The following NPEPL1 variants were observed in gnomAD, a reference collection of about 807,000 sequenced individuals.
The protein encoded by NPEPL1 is probable aminopeptidase NPEPL1.
In NPEPL1, 45 loss-of-function variants were observed where a neutral mutation model predicts 52.4. The ratio of observed to expected loss-of-function variants is 0.86; its 90% CI spans 0.68 to 1.10. NPEPL1 has a LOEUF of 1.10. Ranked by LOEUF, NPEPL1 falls within the 50% of genes least tolerant of loss-of-function variation. The pLI is 0.00. For missense variants in NPEPL1, 696 were observed against 710.9 expected, an observed-to-expected ratio of 0.98 and a Z score of 0.24; for synonymous variants, 360 against 314.7, an observed-to-expected ratio of 1.14 and a Z score of -1.52.
At chr20:58,691,347 TTTCAGTCA>T, upstream of NPEPL1, 1 of 498,014 alleles carries the variant, frequency 2.0e-6, no homozygotes, top group Non-Finnish European at 3.6e-6. Context: ...AAGGAATGCC[TTTCAGTCA>T]TTCAACAGCT....
At chr20:58,692,020 G>A, upstream of NPEPL1, 2 of 601,500 alleles carry the variant, frequency 3.3e-6, no homozygotes, top group Middle Eastern at 4.4e-4. This position sits in a 1 kb window ranked among gnomAD's most constrained non-coding sequence, Gnocchi z 5.7. Context: ...CCTGTAAGGC[G>A]ACTGAGGTGA....
At chr20:58,709,606 C>G (rs773214482) in intron 7 of NPEPL1, among the ~76,000 whole-genome samples, 22 of 152,194 alleles carry the variant, frequency 1.4e-4, no homozygotes, top group Non-Finnish European at 2.6e-4. Flanking sequence ...AGTGGTGACA[C>G]TCACAACCCA....
At chr20:58,711,601 A>G (rs1410724628) in intron 7 of NPEPL1, 3 of 152,486 alleles carry the variant, frequency 2.0e-5, no homozygotes, top group African/African-American at 7.2e-5. Flanking sequence ...AGGCTCAAGG[A>G]CTGAGCGGGG....
chr20:58,695,973 CT>C (rs1159617786), intron 3 of NPEPL1, among the ~76,000 whole-genome samples: 1 of 152,192 alleles, frequency 6.6e-6, no homozygotes, highest in African/African-American at 2.4e-5. Context: ...TCGGCATCCC[CT>C]TCATGGCCTC....
chr20:58,693,705 C>T, intron 1 of NPEPL1, 32 bp from the exon 2 acceptor site: 1 of 1,571,592 alleles, frequency 6.4e-7, no homozygotes, highest in South Asian at 1.1e-5. Flanking sequence ...CTGTTTGAAG[C>T]CTCTGTGTCT....
intron 11 of NPEPL1, 69 bp downstream of exon 11, chr20:58,714,739 T>C (rs2084920916): frequency 2.4e-6 from 3 of 1,242,044 alleles, no homozygotes; most frequent in Middle Eastern, 1.9e-4. Context: ...CCCCTCTGGC[T>C]CTGGAGCTGC....
At chr20:58,690,197 T>C (rs2084323642), upstream of NPEPL1, among the ~76,000 whole-genome samples, 3 of 152,240 alleles carry the variant, frequency 2.0e-5, no homozygotes, top group Admixed American at 1.3e-4. Context: ...TTCTGATTTG[T>C]CCCAGAAGTT....
At chr20:58,700,940 A>T in intron 5 of NPEPL1, 76 bp from the exon 6 acceptor site, 1 of 1,333,964 alleles carries the variant, frequency 7.5e-7, no homozygotes, top group Non-Finnish European at 9.7e-7. Context: ...AGCCGGCCAG[A>T]GTTTCCAGGG....
At chr20:58,701,180 A>G (rs1289435415) in intron 6 of NPEPL1, 22 bp downstream of exon 6, 6 of 1,288,894 alleles carry the variant, frequency 4.7e-6, no homozygotes, top group Non-Finnish European at 2.0e-6. Flanking sequence ...GCTGGCTCTC[A>G]GGGTGCCCTG....
intron 7 of NPEPL1, among the ~76,000 whole-genome samples, chr20:58,708,477 G>A (rs1218799266): frequency 4.6e-5 from 7 of 151,846 alleles, no homozygotes; most frequent in East Asian, 1.9e-4. Flanking sequence ...TGTTTCTCTC[G>A]TGCTGAGCAC....
rs760325613 is a variant in NPEPL1 at position 58,703,962 on chromosome 20, G to T, written c.822+2804G>T. On this transcript the variant is annotated intron_variant, in intron 6 of 11. Transcript: ENST00000356091. ...GGAAGAGCTGGGTGTTCTGGCACCAGTGAAACAATACCTGGTTTTTTATTT... is the reference window on the plus strand; with the variant it reads ...GGAAGAGCTGGGTGTTCTGGCACCATTGAAACAATACCTGGTTTTTTATTT... 2.4e-4 allele frequency: 234 copies of T among 985,284 alleles called. 1 individual carries two copies. The highest frequency in any genetic ancestry group is 2.7e-4 in the Non-Finnish European group (227 of 829,940). The allele number at this position is 985,284 out of a possible 1,614,324, so 61.0% of individuals were successfully genotyped here. A position where few individuals can be genotyped will look rare whatever the true frequency, so the allele number is the denominator to read the frequency against.
chr20:58,699,849 G>A (rs923456484), intron 5 of NPEPL1, among the ~76,000 whole-genome samples: 11 of 152,220 alleles, frequency 7.2e-5, no homozygotes, highest in Admixed American at 3.9e-4. Flanking sequence ...GGCTGTCTGT[G>A]TTATGTGTGG....
rs770343266 is a variant in NPEPL1 at position 58,694,636 on chromosome 20, G to A, written c.507+44G>A. The A allele has an allele frequency of 6.4e-6, 10 of 1,555,318 alleles. No individual in the cohort carries two copies. In the South Asian group the frequency reaches 1.2e-4, roughly 19 times the overall value. ...AGACACTGCCCCTGGGCCCGGGCAAGATCGGGCAGGTGGGAGGGAGGTCGG... is the reference window on the plus strand; with the variant it reads ...AGACACTGCCCCTGGGCCCGGGCAAAATCGGGCAGGTGGGAGGGAGGTCGG... On this transcript the variant is annotated intron_variant, in intron 3 of 11. Coordinates refer to ENST00000356091, the MANE Select transcript of NPEPL1 (RefSeq NM_024663.4).
rs751667138 is a variant in NPEPL1, at chr20:58,694,581, T to A, written c.496T>A (p.Ser166Thr). The change falls in exon 3 of 12, where the codon TCC (serine) becomes ACC (threonine). Residue 166 changes from serine to threonine, a missense_variant. Coordinates refer to ENST00000356091, the MANE Select transcript of NPEPL1 (RefSeq NM_024663.4). ...VGQDNGPVEV[S>T]TLQCLANATD... ...ACAAGACAACGGGCCGGTGGAGGTG[T>A]CCACATTGCAGGTGGGTGTCTGGAA... 21 of 1,612,318 alleles carry A rather than the reference T, an allele frequency of 1.3e-5. No homozygotes were observed. Among genetic ancestry groups the A allele is most frequent in the South Asian group, 3.3e-5 (3 of 90,884 alleles).
rs778249561 is a variant in NPEPL1, at chr20:58,715,250, T to C, written c.1496T>C (p.Val499Ala). ...RASEDPLLNL[V>A]SPLGCEVDVE... ...TCTGAGGACCCTCTGCTGAACCTGGTGTCCCCACTGGGCTGTGAGGTGGAT... is the reference window on the plus strand; with the variant it reads ...TCTGAGGACCCTCTGCTGAACCTGGCGTCCCCACTGGGCTGTGAGGTGGAT... The change falls in exon 12 of 12, where the codon GTG becomes GCG. Residue 499 changes from valine (V) to alanine (A), a missense_variant. By Grantham distance (64) the Val-to-Ala change is moderately conservative. Coordinates refer to ENST00000356091, the MANE Select transcript of NPEPL1 (RefSeq NM_024663.4). 1 of 1,610,610 alleles carries C rather than the reference T, an allele frequency of 6.2e-7. No individual in the cohort carries two copies. Among genetic ancestry groups the C allele is most frequent in the Non-Finnish European group, 8.5e-7 (1 of 1,179,276 alleles).
chr20:58,703,115 C>T (rs1385705821), intron 6 of NPEPL1, among the ~76,000 whole-genome samples: 1 of 152,180 alleles, frequency 6.6e-6, no homozygotes, highest in Non-Finnish European at 1.5e-5. Flanking sequence ...TGCCCAGAGC[C>T]AGCCCACAGG....
chr20:58,709,589 G>A (rs2084796587), intron 7 of NPEPL1, among the ~76,000 whole-genome samples: 4 of 152,182 alleles, frequency 2.6e-5, no homozygotes. Flanking sequence ...GCCTCTCGCA[G>A]CTTTATAGTG....
At chr20:58,700,710 TC>T (rs2084596605) in intron 5 of NPEPL1, among the ~76,000 whole-genome samples, 2 of 152,340 alleles carry the variant, frequency 1.3e-5, no homozygotes, top group East Asian at 3.9e-4. Context: ...TATCCAAACA[TC>T]GTTTCATTCT....
chr20:58,713,530 T>G lies in NPEPL1; in HGVS notation c.1112T>G (p.Leu371Arg). Reference sequence around the variant, plus strand: ...GACATCATCCTGGACATGGCCACCCTGACCGGGGCTCAGGTGAGTGCTCCC... The same window carrying G: ...GACATCATCCTGGACATGGCCACCCGGACCGGGGCTCAGGTGAGTGCTCCC... Reference protein sequence around the residue: ...GADIILDMATLTGAQGIATGK... With the variant: ...GADIILDMATRTGAQGIATGK... Residue 371 changes from leucine to arginine, a missense_variant, in exon 9 of 12, where the codon CTG becomes CGG. By Grantham distance (102) the Leu-to-Arg change is moderately radical. Coordinates refer to ENST00000356091, the MANE Select transcript of NPEPL1 (RefSeq NM_024663.4). This position sits in a 1 kb window ranked among gnomAD's most constrained non-coding sequence, Gnocchi z 4.6. 1 of 1,606,766 alleles carries G rather than the reference T, an allele frequency of 6.2e-7. No individual in the cohort carries two copies. The highest frequency in any genetic ancestry group is 1.3e-5 in the African/African-American group (1 of 74,942).
Sources: allele counts gnomAD v4.1 joint callset (sites outside exome capture counted in the v4.1 genomes callset), GRCh38; gene constraint gnomAD v4.1.1; non-coding constraint Gnocchi (gnomAD v3.1); transcripts MANE v1.5; gene names NCBI Gene and HGNC (gene_info 2026-07-23, HGNC 2026-07-21).